The following SBF2 variants were observed in gnomAD, a reference collection of about 807,000 sequenced individuals.
SBF2 encodes SET binding factor 2.
A neutral mutation model predicts 225.2 loss-of-function variants in SBF2; 112 were observed. The ratio of observed to expected loss-of-function variants is 0.50; its 90% CI spans 0.43 to 0.58. The LOEUF is 0.58. Among genes scored for constraint, SBF2 ranks in the 20% least tolerant of loss-of-function variants. The pLI, the probability that SBF2 is intolerant of heterozygous loss-of-function variation, is 0.00. For synonymous variants in SBF2, 763 were observed against 773.3 expected (o/e 0.99, Z 0.22); for missense variants, 1,996 against 2,206.2 (o/e 0.90, Z 1.91).
intron 2 of SBF2, among the ~76,000 whole-genome samples, chr11:10,057,168 T>C (rs571776772): frequency 3.9e-5 from 6 of 151,968 alleles, no homozygotes; most frequent in African/African-American, 7.2e-5. Flanking sequence ...AAGCATACTG[T>C]AGCAGCCCTA....
At chr11:10,238,804 A>C (rs1591285930) in intron 1 of SBF2, among the ~76,000 whole-genome samples, 1 of 150,792 alleles carries the variant, frequency 6.6e-6, no homozygotes, top group East Asian at 1.9e-4. Flanking sequence ...TCACAGCTAC[A>C]CAGGAGGCTG....
intron 16 of SBF2, among the ~76,000 whole-genome samples, chr11:9,910,890 CAAAAAAAAAAAAAA>C (rs68011518): frequency 1.1e-5 from 1 of 93,604 alleles, no homozygotes; most frequent in East Asian, 3.0e-4. Context: ...TACTAAAATA[CAAAAAAAAAAAAAA>C]AAAAATTAGC....
chr11:9,981,783 G>C (rs1212874726), intron 13 of SBF2, among the ~76,000 whole-genome samples: 1 of 152,102 alleles, frequency 6.6e-6, no homozygotes, highest in African/African-American at 2.4e-5. Flanking sequence ...TTTCTACTTT[G>C]ACAATGTTTA....
chr11:10,291,672 AC>A (rs1964167580), intron 1 of SBF2, among the ~76,000 whole-genome samples: 1 of 122,670 alleles, frequency 8.2e-6, no homozygotes, highest in South Asian at 2.4e-4. Context: ...ACACACACAC[AC>A]ACACACACAC....
chr11:9,887,914 T>C (rs1055994637), intron 17 of SBF2, among the ~76,000 whole-genome samples: 1 of 152,204 alleles, frequency 6.6e-6, no homozygotes, highest in African/African-American at 2.4e-5. Context: ...TTTTCCTATT[T>C]TGTAAATTTT....
rs184484685 is a variant in SBF2, at chr11:9,901,730, G to A, written c.1861-5719C>T. 5.3e-5 allele frequency among the ~76,000 whole-genome samples: 8 copies of A among 152,180 alleles called. No homozygotes were observed. The East Asian group carries it at 1.5e-3, about 29-fold the overall frequency. ...TGCAGTGTGCGCTCACTGCAGCTGC[G>A]ACCTCCTGGGCTCAGGTGATCCTCC... On this transcript the variant is annotated intron_variant, in intron 16 of 39. Transcript: ENST00000256190.
At chr11:10,013,928 TCTA>T (rs1318653549) in intron 6 of SBF2, among the ~76,000 whole-genome samples, 1 of 152,236 alleles carries the variant, frequency 6.6e-6, no homozygotes, top group Non-Finnish European at 1.5e-5. Flanking sequence ...CTCATAAATA[TCTA>T]CTTTTTCCTA....
intron 2 of SBF2, among the ~76,000 whole-genome samples, chr11:10,131,291 T>C (rs946392554): frequency 1.1e-4 from 16 of 151,594 alleles, no homozygotes; most frequent in African/African-American, 3.6e-4. Flanking sequence ...AGTGGCACGA[T>C]CACGGCTCAC....
intron 2 of SBF2, among the ~76,000 whole-genome samples, chr11:10,073,114 A>G (rs2134820382): frequency 6.6e-6 from 1 of 152,148 alleles, no homozygotes; most frequent in African/African-American, 2.4e-5. Context: ...TGATCTGAGT[A>G]ATGGGATGTA....
At chr11:9,889,605 C>A (rs779103555) in intron 17 of SBF2, among the ~76,000 whole-genome samples, 3 of 152,072 alleles carry the variant, frequency 2.0e-5, no homozygotes, top group Non-Finnish European at 4.4e-5. Flanking sequence ...GAATTAGACA[C>A]ATTTTGAAAT....
chr11:9,840,252 CAA>C (rs373616505), intron 25 of SBF2, among the ~76,000 whole-genome samples: 5 of 97,896 alleles, frequency 5.1e-5, no homozygotes, highest in Non-Finnish European at 5.9e-5. Flanking sequence ...CCCCCAGCCG[CAA>C]AAAAAAAAAA....
intron 17 of SBF2, among the ~76,000 whole-genome samples, chr11:9,889,109 G>T (rs1860582146): frequency 1.3e-5 from 2 of 152,110 alleles, no homozygotes; most frequent in Admixed American, 1.3e-4. Flanking sequence ...TATCGGCTGG[G>T]GGAATACCTA....
At chr11:9,966,326 G>C (rs1866908617) in intron 14 of SBF2, among the ~76,000 whole-genome samples, 1 of 152,182 alleles carries the variant, frequency 6.6e-6, no homozygotes, top group Non-Finnish European at 1.5e-5. Flanking sequence ...CTGACCTCAA[G>C]TGATCCGCCC....
At chr11:9,797,469 T>G (rs1853192249) in intron 32 of SBF2, among the ~76,000 whole-genome samples, 1 of 152,236 alleles carries the variant, frequency 6.6e-6, no homozygotes, top group African/African-American at 2.4e-5. Flanking sequence ...ACTGCTTCCT[T>G]GATGTGAGCC....
chr11:10,299,524 A>G (rs957852479), intron 1 of SBF2, among the ~76,000 whole-genome samples: 1 of 152,180 alleles, frequency 6.6e-6, no homozygotes, highest in African/African-American at 2.4e-5. Flanking sequence ...GACTGGCTAC[A>G]TAATATGTGG....
At chr11:10,136,614 A>T (rs1954368283) in intron 2 of SBF2, among the ~76,000 whole-genome samples, 1 of 152,222 alleles carries the variant, frequency 6.6e-6, no homozygotes, top group Non-Finnish European at 1.5e-5. Flanking sequence ...TGCATACTCC[A>T]TACTTGCAAC....
chr11:9,860,174 C>T (rs1447208662), intron 17 of SBF2, among the ~76,000 whole-genome samples: 1 of 152,004 alleles, frequency 6.6e-6, no homozygotes, highest in Non-Finnish European at 1.5e-5. Flanking sequence ...ACATGGATTA[C>T]ACACTTTTTC....
At chr11:9,804,836 C>T (rs1853703173) in intron 32 of SBF2, among the ~76,000 whole-genome samples, 1 of 152,200 alleles carries the variant, frequency 6.6e-6, no homozygotes, top group South Asian at 2.1e-4. Flanking sequence ...TTGTTCATCT[C>T]TTCATCGGTT....
intron 1 of SBF2, among the ~76,000 whole-genome samples, chr11:10,227,720 T>C (rs556275668): frequency 2.0e-5 from 3 of 152,372 alleles, no homozygotes; most frequent in South Asian, 2.1e-4. Flanking sequence ...TTTTGGTTAC[T>C]GTAGCCTTGT....
Sources: gnomAD v4.1 joint callset for allele counts (sites outside exome capture counted in the v4.1 genomes callset) on GRCh38, gnomAD v4.1.1 for gene constraint, MANE v1.5 for transcripts, NCBI Gene and HGNC (gene_info 2026-07-23, HGNC 2026-07-21) for gene names.